EEFSEC: variants seen among roughly 807,000 people sequenced by gnomAD.
EEFSEC encodes the protein selenocysteine-specific elongation factor.
Under a neutral mutation model 42.1 loss-of-function variants are expected in EEFSEC, and 43 were observed. The observed-to-expected ratio is 1.02, with a 90% CI of 0.80 to 1.32. The LOEUF (loss-of-function observed/expected upper bound fraction) is 1.32. Among genes scored for constraint, EEFSEC ranks in the 40% most tolerant of loss-of-function variants. The probability of loss-of-function intolerance (pLI) is 0.00; values close to 1 mark genes in which losing one functional copy is unlikely to be tolerated. For synonymous variants in EEFSEC, 354 were observed against 339.1 expected (o/e 1.04, Z -0.48); for missense variants, 745 against 803.6 (o/e 0.93, Z 0.88).
At chr3:128,285,695 C>T (rs1187016749) in intron 4 of EEFSEC, among the ~76,000 whole-genome samples, 5 of 152,106 alleles carry the variant, frequency 3.3e-5, no homozygotes, top group Non-Finnish European at 7.4e-5. Context: ...TCATGGACAC[C>T]AACCCAGCTC....
intron 4 of EEFSEC, among the ~76,000 whole-genome samples, chr3:128,319,998 G>T (rs2066989820): frequency 6.6e-6 from 1 of 152,230 alleles, no homozygotes. Flanking sequence ...CTTCAATAGG[G>T]GCAGGTCAGT....
At chr3:128,303,988 T>A (rs1039299301) in intron 4 of EEFSEC, among the ~76,000 whole-genome samples, 2 of 152,100 alleles carry the variant, frequency 1.3e-5, no homozygotes, top group African/African-American at 4.8e-5. Context: ...ATCTCTGAGC[T>A]TTTTTTATTG....
intron 6 of EEFSEC, among the ~76,000 whole-genome samples, chr3:128,402,002 G>A (rs376350048): frequency 2.0e-5 from 3 of 152,078 alleles, no homozygotes; most frequent in East Asian, 1.9e-4. Context: ...TCCCCTCCCC[G>A]GCTCCTGTGT....
At chr3:128,385,938 A>G (rs2067833183) in intron 6 of EEFSEC, among the ~76,000 whole-genome samples, 1 of 152,200 alleles carries the variant, frequency 6.6e-6, no homozygotes, top group African/African-American at 2.4e-5. Flanking sequence ...GCTCACATCC[A>G]CCCTGGGCGT....
chr3:128,242,708 A>T (rs1378006242), intron 1 of EEFSEC, among the ~76,000 whole-genome samples: 1 of 152,206 alleles, frequency 6.6e-6, no homozygotes, highest in Non-Finnish European at 1.5e-5. Flanking sequence ...AATTTACAGA[A>T]TTGGAAATTG....
At chr3:128,288,718 A>G (rs550622309) in intron 4 of EEFSEC, among the ~76,000 whole-genome samples, 5 of 152,238 alleles carry the variant, frequency 3.3e-5, no homozygotes, top group Non-Finnish European at 7.3e-5. Context: ...TCCAGATGGA[A>G]ATGTCTTGCC....
At chr3:128,193,764 CTT>C (rs1039207893) in intron 1 of EEFSEC, among the ~76,000 whole-genome samples, 11 of 152,142 alleles carry the variant, frequency 7.2e-5, no homozygotes, top group African/African-American at 1.7e-4. Context: ...TTGGACATAA[CTT>C]GTACAACTCC....
intron 4 of EEFSEC, among the ~76,000 whole-genome samples, chr3:128,269,089 G>A (rs976553803): frequency 2.0e-5 from 3 of 152,200 alleles, no homozygotes; most frequent in African/African-American, 4.8e-5. Context: ...GCATACTGAT[G>A]GCCAGCACTG....
chr3:128,196,037 C>T (rs540537875), intron 1 of EEFSEC, among the ~76,000 whole-genome samples: 6 of 152,372 alleles, frequency 3.9e-5, no homozygotes, highest in African/African-American at 1.2e-4. Flanking sequence ...CCCTTGTCCA[C>T]GTGTGTGGGT....
At chr3:128,372,780 A>G (rs1188690782) in intron 6 of EEFSEC, among the ~76,000 whole-genome samples, 3 of 152,232 alleles carry the variant, frequency 2.0e-5, no homozygotes, top group South Asian at 4.1e-4. Context: ...CACTGCCTTT[A>G]GTGACCACAG....
At chr3:128,200,267 A>G (rs963042812) in intron 1 of EEFSEC, among the ~76,000 whole-genome samples, 1 of 151,958 alleles carries the variant, frequency 6.6e-6, no homozygotes, top group Non-Finnish European at 1.5e-5. Flanking sequence ...ACACAAGGAA[A>G]TCTTTCTCCA....
intron 4 of EEFSEC, among the ~76,000 whole-genome samples, chr3:128,321,511 C>A (rs1300967458): frequency 1.3e-5 from 2 of 152,120 alleles, no homozygotes; most frequent in Non-Finnish European, 2.9e-5. Flanking sequence ...AGTCTCTGGG[C>A]AGACCACATG....
intron 1 of EEFSEC, among the ~76,000 whole-genome samples, chr3:128,194,851 T>G (rs1020531504): frequency 1.4e-4 from 21 of 152,240 alleles, no homozygotes; most frequent in African/African-American, 3.6e-4. Flanking sequence ...TAGCTAACAT[T>G]AGGGGCTAAG....
chr3:128,350,150 G>A (rs147175026), intron 5 of EEFSEC, among the ~76,000 whole-genome samples: 22 of 152,352 alleles, frequency 1.4e-4, no homozygotes, highest in East Asian at 7.7e-4. Flanking sequence ...AGTCTGAAGC[G>A]GCGCTGCCTC....
At chr3:128,424,052 A>G in the EEFSEC span, among the ~76,000 whole-genome samples, 2 of 152,132 alleles carry the variant, frequency 1.3e-5, no homozygotes, top group Non-Finnish European at 2.9e-5. Flanking sequence ...ACACCCGCAC[A>G]CACACACTAT....
the EEFSEC span, among the ~76,000 whole-genome samples, chr3:128,424,861 C>T: frequency 6.6e-6 from 1 of 152,054 alleles, no homozygotes; most frequent in Non-Finnish European, 1.5e-5. Flanking sequence ...TCCTCCCCCA[C>T]TCCTCTCATC....
chr3:128,371,483 G>A (rs949690853), intron 6 of EEFSEC, among the ~76,000 whole-genome samples: 1 of 152,154 alleles, frequency 6.6e-6, no homozygotes, highest in African/African-American at 2.4e-5. Context: ...AGTGTCCCCT[G>A]GGGACCAAAA....
At chr3:128,179,590 CGTT>C (rs2065384174) in intron 1 of EEFSEC, among the ~76,000 whole-genome samples, 3 of 152,200 alleles carry the variant, frequency 2.0e-5, no homozygotes, top group Non-Finnish European at 4.4e-5. Context: ...GTGTTTACCT[CGTT>C]GTCCGAAGGC....
At chr3:128,422,075 C>T in the EEFSEC span, among the ~76,000 whole-genome samples, 1 of 152,178 alleles carries the variant, frequency 6.6e-6, no homozygotes, top group South Asian at 2.1e-4. Context: ...CCAGAGCCAT[C>T]TCTGAACCCT....
Sources: gnomAD v4.1 joint callset for allele counts (sites outside exome capture counted in the v4.1 genomes callset) on GRCh38, gnomAD v4.1.1 for gene constraint, MANE v1.5 for transcripts, NCBI Gene and HGNC (gene_info 2026-07-23, HGNC 2026-07-21) for gene names.